TFPI: variants seen among roughly 807,000 people sequenced by gnomAD.
TFPI encodes tissue factor pathway inhibitor.
A neutral mutation model predicts 34.6 loss-of-function variants in TFPI; 15 were observed. That is an observed-to-expected ratio of 0.43 (90% CI 0.29 to 0.67). TFPI has a LOEUF of 0.67. Among genes scored for constraint, TFPI ranks in the 30% least tolerant of loss-of-function variants. The pLI, the probability that TFPI is intolerant of heterozygous loss-of-function variation, is 0.15. For synonymous variants in TFPI, 105 were observed against 120.1 expected, an observed-to-expected ratio of 0.87 and a Z score of 0.82; for missense variants, 301 against 364.0, an observed-to-expected ratio of 0.83 and a Z score of 1.41.
chr2:187,516,816 T>G (rs1687036812), intron 1 of TFPI: 3 of 152,228 alleles, frequency 2.0e-5, no homozygotes, highest in African/African-American at 7.2e-5. Flanking sequence ...AAAAGCATTG[T>G]GAAAATCCCT....
chr2:187,484,183 TG>T lies in TFPI; in HGVS notation c.568del (p.Gln190SerfsTer5). On this transcript the variant is annotated frameshift_variant, in exon 6 of 8. Coordinates refer to ENST00000233156, the MANE Select transcript of TFPI (RefSeq NM_006287.6). LOFTEE classifies it high-confidence loss of function. The stretch of plus-strand genomic sequence containing the variant: ...CAGGGAGTTATTCACAGCATTGAGC[TG>T]GGTTCCATAATTATCCACCTGGAAA... Reference protein sequence around the residue: ...NGFQVDNYGTQLNAVNNSLTP... With the variant: ...NGFQVDNYGTXLNAVNNSLTP... 1 of 1,612,310 alleles carries T rather than the reference TG, an allele frequency of 6.2e-7. No homozygotes were observed. The highest frequency in any genetic ancestry group is 8.5e-7 in the Non-Finnish European group (1 of 1,178,802).
chr2:187,516,784 A>G (rs1300295536), intron 1 of TFPI: 1 of 152,176 alleles, frequency 6.6e-6, no homozygotes, highest in East Asian at 1.9e-4. Flanking sequence ...TACGTTATCT[A>G]TAGATTCCAG....
At chr2:187,517,414 T>C (rs1219502949) in intron 1 of TFPI, 1 of 152,208 alleles carries the variant, frequency 6.6e-6, no homozygotes, top group Non-Finnish European at 1.5e-5. Context: ...CCAGTAGTCA[T>C]TTAGGAGAAG....
At chr2:187,496,665 G>A (rs1047844315) in intron 3 of TFPI, among the ~76,000 whole-genome samples, 3 of 151,920 alleles carry the variant, frequency 2.0e-5, no homozygotes, top group Non-Finnish European at 4.4e-5. Flanking sequence ...AGAGTTTCTG[G>A]TACCTATAAA....
At chr2:187,476,034 G>C (rs1692349464) in intron 6 of TFPI, among the ~76,000 whole-genome samples, 1 of 152,120 alleles carries the variant, frequency 6.6e-6, no homozygotes, top group Admixed American at 6.6e-5. Context: ...AAATCTTGGT[G>C]CAACAGTGCT....
At chr2:187,545,829 CAA>C (rs763012614) in intron 1 of TFPI, among the ~76,000 whole-genome samples, 16 of 151,864 alleles carry the variant, frequency 1.1e-4, no homozygotes, top group Non-Finnish European at 1.5e-4. Context: ...TTAATTAAAA[CAA>C]AATCATTTTT....
chr2:187,473,889 A>G (rs1692206984), intron 6 of TFPI, among the ~76,000 whole-genome samples: 1 of 152,048 alleles, frequency 6.6e-6, no homozygotes, highest in African/African-American at 2.4e-5. Context: ...CTTAAAATTG[A>G]AAGGTCATAA....
At chr2:187,512,822 C>T (rs1238949463) in intron 1 of TFPI, among the ~76,000 whole-genome samples, 1 of 151,802 alleles carries the variant, frequency 6.6e-6, no homozygotes, top group South Asian at 2.1e-4. Context: ...ATGGTAAATT[C>T]TTATCCTGAA....
At chr2:187,537,894 A>G (rs965471550) in intron 1 of TFPI, among the ~76,000 whole-genome samples, 14 of 145,028 alleles carry the variant, frequency 9.7e-5, no homozygotes, top group African/African-American at 3.5e-4. Context: ...ATTTACAAGA[A>G]AAAAACAACC....
intron 1 of TFPI, chr2:187,546,948 C>G (rs867647346): frequency 6.6e-6 from 1 of 152,156 alleles, no homozygotes; most frequent in Non-Finnish European, 1.5e-5. Context: ...CGAGACTTTC[C>G]TAACAGGTTC....
At chr2:187,483,328 T>G (rs1487680483) in intron 6 of TFPI, among the ~76,000 whole-genome samples, 1 of 151,958 alleles carries the variant, frequency 6.6e-6, no homozygotes, top group African/African-American at 2.4e-5. Flanking sequence ...TCAGGCTAAG[T>G]TTATATATAA....
intron 6 of TFPI, among the ~76,000 whole-genome samples, chr2:187,479,546 CATATATATAT>C (rs35837997): frequency 0.064 from 4,065 of 63,286 alleles, 105 homozygotes; most frequent in Middle Eastern, 0.078. Context: ...ATATCACGTT[CATATATATAT>C]ATATATATAT....
rs759976925 is a variant in TFPI, at chr2:187,467,808, C to T, written c.753G>A (p.Gly251=). The change falls in exon 7 of 8, where the codon GGG becomes GGA. Residue 251 remains glycine, a synonymous_variant. Transcript: ENST00000233156. ...KCRPFKYSGC[G]GNENNFTSKQ... ...TGGAAGTAAAATTGTTTTCATTTCC[C>T]CCACATCCACTGTACTTAAATGGGC... The T allele has an allele frequency of 4.3e-6, 7 of 1,611,540 alleles. No individual in the cohort carries two copies. The highest frequency in any genetic ancestry group is 5.9e-6 in the Non-Finnish European group (7 of 1,178,984).
chr2:187,538,769 T>A (rs1000667130), intron 1 of TFPI, among the ~76,000 whole-genome samples: 10 of 152,174 alleles, frequency 6.6e-5, no homozygotes, highest in African/African-American at 2.4e-4. Flanking sequence ...CTGACTTGCA[T>A]AACCTTATTT....
chr2:187,484,929 G>A lies in TFPI; in HGVS notation c.417C>T (p.Thr139=), dbSNP rs747117363. 31 of 1,577,238 alleles carry A rather than the reference G, an allele frequency of 2.0e-5. No individual in the cohort carries two copies. Among genetic ancestry groups the A allele is most frequent in the Non-Finnish European group, 2.5e-5 (29 of 1,165,192 alleles). ...EDPGICRGYI[T]RYFYNNQTKQ... ...TTGTCTGATTGTTATAAAAATACCTGGTAATATAACCTCGACATATTCCAG... is the reference window on the plus strand; with the variant it reads ...TTGTCTGATTGTTATAAAAATACCTAGTAATATAACCTCGACATATTCCAG... The change falls in exon 5 of 8, where the codon ACC becomes ACT. Residue 139 remains threonine (T), a synonymous_variant. Coordinates refer to ENST00000233156, the MANE Select transcript of TFPI (RefSeq NM_006287.6).
At chr2:187,529,685 T>C (rs1687861128) in intron 1 of TFPI, among the ~76,000 whole-genome samples, 1 of 152,188 alleles carries the variant, frequency 6.6e-6, no homozygotes, top group Non-Finnish European at 1.5e-5. Context: ...GGAACATTCC[T>C]AGTGTTTCAA....
chr2:187,553,896 A>AC (rs1329471422), intron 1 of TFPI, among the ~76,000 whole-genome samples: 1 of 152,232 alleles, frequency 6.6e-6, no homozygotes, highest in Non-Finnish European at 1.5e-5. Flanking sequence ...AAAGAATTCT[A>AC]CTACAATCTT....
rs568113767 is a variant in TFPI at position 187,497,027 on chromosome 2, G to A, written c.173C>T (p.Ala58Val). Residue 58 changes from alanine (A) to valine (V), a missense_variant, in exon 3 of 8, where the codon GCG becomes GTG. Transcript: ENST00000233156. The part of the protein sequence containing the change: ...KLMHSFCAFK[A>V]DDGPCKAIMK... ...GATTGCTTTACATGGGCCATCATCC[G>A]CCTTGAATGCACAAAATGAATGCAT... The A allele has an allele frequency of 3.5e-5, 57 of 1,613,048 alleles. No homozygotes were observed. Among genetic ancestry groups the A allele is most frequent in the East Asian group, 2.2e-4 (10 of 44,804 alleles).
At chr2:187,504,431 C>A (rs1021273494) in intron 1 of TFPI, among the ~76,000 whole-genome samples, 1 of 151,784 alleles carries the variant, frequency 6.6e-6, no homozygotes, top group Non-Finnish European at 1.5e-5. Context: ...AGGGAGTTAT[C>A]TGATTCAAAA....
Sources: allele counts gnomAD v4.1 joint callset (sites outside exome capture counted in the v4.1 genomes callset), GRCh38; gene constraint gnomAD v4.1.1; transcripts MANE v1.5; gene names NCBI Gene and HGNC (gene_info 2026-07-23, HGNC 2026-07-21).